ZNF385A: variants seen among roughly 807,000 people sequenced by gnomAD.
The protein encoded by ZNF385A is hematopoietic zinc finger protein.
A neutral mutation model predicts 32.1 loss-of-function variants in ZNF385A; 14 were observed. The observed-to-expected ratio is 0.44, with a 90% CI of 0.29 to 0.68. The LOEUF is 0.68. Among genes scored for constraint, ZNF385A ranks in the 30% least tolerant of loss-of-function variants. The pLI, the probability that ZNF385A is intolerant of heterozygous loss-of-function variation, is 0.14. For missense variants in ZNF385A, 406 were observed against 478.4 expected, an observed-to-expected ratio of 0.85 and a Z score of 1.41; for synonymous variants, 197 against 202.7, an observed-to-expected ratio of 0.97 and a Z score of 0.24.
chr12:54,384,638 C>T lies in ZNF385A; in HGVS notation c.-124G>A. ...GAACCCCACCCAAGCCTGCCAGTCC[C>T]ACTCCCTAGCCAGGGCCCCCACACT... On this transcript the variant is annotated 5_prime_UTR_variant, in exon 1 of 7. Coordinates refer to ENST00000394313, the MANE Select transcript of ZNF385A (RefSeq NM_015481.3). The T allele has an allele frequency of 7.7e-6, 11 of 1,421,858 alleles. No homozygotes were observed. The highest frequency in any genetic ancestry group is 9.2e-6 in the Non-Finnish European group (10 of 1,092,000). The allele number at this position is 1,421,858 out of a possible 1,614,324, so 88.1% of individuals were successfully genotyped here.
chr12:54,370,634 C>T lies in ZNF385A; in HGVS notation c.862G>A (p.Glu288Lys). ...SRHKKSRGAG[E>K]LAGTLTFSKE... is the part of the protein sequence containing the mutation. ...CAGCATCCAGGCCTCACCGCCAGCT[C>T]CCCGGCGCCCCTAGACTTCTTGTGA... Residue 288 changes from glutamate to lysine, a missense_variant, in exon 6 of 7, where the codon GAG (glutamate) becomes AAG (lysine). Coordinates refer to ENST00000394313, the MANE Select transcript of ZNF385A (RefSeq NM_015481.3). The surrounding 1 kb of genome is among the most constrained non-coding windows in gnomAD (Gnocchi z 5.5). The T allele has an allele frequency of 6.2e-7, 1 of 1,601,080 alleles. No homozygotes were observed. The highest frequency in any genetic ancestry group is 8.5e-7 in the Non-Finnish European group (1 of 1,174,296).
chr12:54,383,303 G>T (rs1337255350), intron 1 of ZNF385A, among the ~76,000 whole-genome samples: 1 of 151,948 alleles, frequency 6.6e-6, no homozygotes, highest in Non-Finnish European at 1.5e-5. Context: ...AATCACAAAG[G>T]CCTGAATGCT....
Position 54,369,968 on chromosome 12 carries a change from T to G in ZNF385A, c.*288A>C. 1.8e-5 allele frequency: 6 copies of G among 326,960 alleles called. No homozygotes were observed. Among genetic ancestry groups the G allele is most frequent in the East Asian group, 9.3e-5 (2 of 21,424 alleles). 20.3% of individuals were successfully genotyped at this position (326,960 alleles called of 1,614,324 possible). A position where few individuals can be genotyped will look rare whatever the true frequency, so the allele number is the denominator to read the frequency against. On this transcript the variant is annotated 3_prime_UTR_variant, in exon 7 of 7. Coordinates refer to ENST00000394313, the MANE Select transcript of ZNF385A (RefSeq NM_015481.3). ...GGAAGGGCTGGATGGACATGGCTTTTGGGAGGGGGGGTGTCTCCAAGGGGG... is the reference window on the plus strand; with the variant it reads ...GGAAGGGCTGGATGGACATGGCTTTGGGGAGGGGGGGTGTCTCCAAGGGGG...
chr12:54,380,979 C>A (rs1955133715), intron 1 of ZNF385A, among the ~76,000 whole-genome samples: 1 of 151,982 alleles, frequency 6.6e-6, no homozygotes, highest in Non-Finnish European at 1.5e-5. Flanking sequence ...GGGCGGATCA[C>A]AAGGTCAAGA....
chr12:54,370,648 G>T lies in ZNF385A; in HGVS notation c.848C>A (p.Ser283Tyr), dbSNP rs763776218. The T allele has an allele frequency of 1.9e-6, 3 of 1,605,284 alleles. No individual in the cohort carries two copies. The highest frequency in any genetic ancestry group is 2.5e-6 in the Non-Finnish European group (3 of 1,176,634). Residue 283 changes from serine to tyrosine, a missense_variant, in exon 6 of 7, where the codon TCT becomes TAT. Physicochemically the swap from Ser to Tyr is moderately radical, Grantham distance 144 (BLOSUM62 -2). Transcript: ENST00000394313. The surrounding 1 kb of genome is among the most constrained non-coding windows in gnomAD (Gnocchi z 5.5). ...CACCGCCAGCTCCCCGGCGCCCCTAGACTTCTTGTGACGGCTCAGTAGTGG... is the reference window on the plus strand; with the variant it reads ...CACCGCCAGCTCCCCGGCGCCCCTATACTTCTTGTGACGGCTCAGTAGTGG... ...PNPLLSRHKK[S>Y]RGAGELAGTL... is the part of the protein sequence containing the mutation.
intron 1 of ZNF385A, chr12:54,391,154 G>A: frequency 7.0e-7 from 1 of 1,420,108 alleles, no homozygotes; most frequent in Non-Finnish European, 9.4e-7. Context: ...CGCGGTGCCG[G>A]GAGATGGTGG....
intron 1 of ZNF385A, among the ~76,000 whole-genome samples, chr12:54,382,717 T>G (rs969438501): frequency 2.0e-5 from 3 of 152,224 alleles, no homozygotes; most frequent in African/African-American, 7.2e-5. Context: ...TTAAGTTGAA[T>G]AAGGCTGACT....
At chr12:54,379,124 G>A (rs1247501929) in intron 1 of ZNF385A, 11 of 981,448 alleles carry the variant, frequency 1.1e-5, no homozygotes, top group Non-Finnish European at 1.3e-5. Flanking sequence ...CGGGCTGGGG[G>A]GCCGCGCCTG....
At chr12:54,384,190 T>C (rs1255388662) in intron 1 of ZNF385A, among the ~76,000 whole-genome samples, 2 of 152,222 alleles carry the variant, frequency 1.3e-5, no homozygotes, top group African/African-American at 4.8e-5. Flanking sequence ...AGATAATTCA[T>C]ATAAAACACT....
intron 1 of ZNF385A, 56 bp from the exon 2 acceptor site, chr12:54,376,010 TCCC>T (rs1954832807): frequency 7.1e-7 from 1 of 1,410,784 alleles, no homozygotes; most frequent in African/African-American, 1.4e-5. Context: ...TGTCCAGCAT[TCCC>T]CCAACACAGA....
intron 1 of ZNF385A, among the ~76,000 whole-genome samples, chr12:54,379,597 C>A (rs1955037246): frequency 6.6e-6 from 1 of 152,116 alleles, no homozygotes; most frequent in Non-Finnish European, 1.5e-5. Flanking sequence ...CAAACGGCGG[C>A]CCCTATGCTG....
rs141056989 is a variant in ZNF385A at position 54,370,691 on chromosome 12, C to T, written c.805G>A (p.Val269Met). 3.3e-5 allele frequency: 53 copies of T among 1,601,044 alleles called. No homozygotes were observed. The African/African-American group carries it at 6.5e-4, about 20-fold the overall frequency. ...AGTAGTGGGTTGGGCTTCCCGGCCA[C>T]GCCGTCTCGGTGCCGCCGGCTGGAG... ...HISSRRHRDG[V>M]AGKPNPLLSR... The change falls in exon 6 of 7, where the codon GTG becomes ATG. Residue 269 changes from valine to methionine, a missense_variant. Val to Met is a conservative substitution (Grantham distance 21). Coordinates refer to ENST00000394313, the MANE Select transcript of ZNF385A (RefSeq NM_015481.3). This position sits in a 1 kb window ranked among gnomAD's most constrained non-coding sequence, Gnocchi z 5.5.
rs1055471575 is a variant in ZNF385A at position 54,370,459 on chromosome 12, G to T, written c.898C>A (p.Pro300Thr). 2.6e-6 allele frequency: 4 copies of T among 1,551,120 alleles called. No individual in the cohort carries two copies. In the African/African-American group the frequency reaches 4.1e-5, roughly 16 times the overall value. Residue 300 changes from proline to threonine, a missense_variant, in exon 7 of 7, where the codon CCC (proline) becomes ACC (threonine). Coordinates refer to ENST00000394313, the MANE Select transcript of ZNF385A (RefSeq NM_015481.3). The surrounding 1 kb of genome is among the most constrained non-coding windows in gnomAD (Gnocchi z 5.5). ...AGTLTFSKEL[P>T]KSLAGGLLPS... ...AGCAGGCCGCCCGCCAGGGACTTGG[G>T]CAGCTCCTTGGAGAAAGTCAGCGTG...
rs566831656 is a variant in ZNF385A at position 54,371,605 on chromosome 12, C to A, written c.472G>T (p.Gly158Trp). 6.2e-6 allele frequency: 10 copies of A among 1,613,434 alleles called. No individual in the cohort carries two copies. Among genetic ancestry groups the A allele is most frequent in the African/African-American group, 4.0e-5 (3 of 74,998 alleles). Residue 158 changes from glycine to tryptophan, a missense_variant, in exon 4 of 7, where the codon GGG (glycine) becomes TGG (tryptophan). Coordinates refer to ENST00000394313, the MANE Select transcript of ZNF385A (RefSeq NM_015481.3). The stretch of plus-strand genomic sequence containing the variant: ...AAGGAAGCCGGGGCTGGAGTCCCCC[C>A]TTCACCCTTGGTTACACCCTGACCA... ...ETGQGVTKGE[G>W]GTPAPASLPG...
chr12:54,383,468 G>C (rs1324739184), intron 1 of ZNF385A, among the ~76,000 whole-genome samples: 1 of 152,038 alleles, frequency 6.6e-6, no homozygotes, highest in African/African-American at 2.4e-5. Context: ...GGCTTTTGAG[G>C]CTTCCCTCGG....
At chr12:54,384,044 G>T (rs1955336372) in intron 1 of ZNF385A, among the ~76,000 whole-genome samples, 2 of 152,118 alleles carry the variant, frequency 1.3e-5, no homozygotes, top group Non-Finnish European at 2.9e-5. Context: ...TTACAAACAG[G>T]CATGCTTATT....
rs1954511492 is a variant in ZNF385A, at chr12:54,370,911, A to G, written c.774+16T>C. On this transcript the variant is annotated intron_variant, in intron 5 of 6. Coordinates refer to ENST00000394313, the MANE Select transcript of ZNF385A (RefSeq NM_015481.3). This position sits in a 1 kb window ranked among gnomAD's most constrained non-coding sequence, Gnocchi z 5.5. The stretch of plus-strand genomic sequence containing the variant: ...GTGGAGCGTCCCAGAATTCCTGGGA[A>G]GGGCCTTAGACCCACCTGTTTCAGT... 1.9e-6 allele frequency: 3 copies of G among 1,613,974 alleles called. No homozygotes were observed. The highest frequency in any genetic ancestry group is 2.7e-5 in the African/African-American group (2 of 74,920).
At chr12:54,383,719 A>G (rs1166306555) in intron 1 of ZNF385A, among the ~76,000 whole-genome samples, 1 of 151,972 alleles carries the variant, frequency 6.6e-6, no homozygotes, top group African/African-American at 2.4e-5. Flanking sequence ...ACATGGTGAA[A>G]CCCCATCTCT....
At chr12:54,376,636 G>A (rs1260541032) in intron 1 of ZNF385A, among the ~76,000 whole-genome samples, 1 of 152,200 alleles carries the variant, frequency 6.6e-6, no homozygotes, top group Non-Finnish European at 1.5e-5. Flanking sequence ...GGGATCTTCT[G>A]AACCTTTTCT....
Sources: gnomAD v4.1 joint callset for allele counts (sites outside exome capture counted in the v4.1 genomes callset) on GRCh38, gnomAD v4.1.1 for gene constraint, Gnocchi (gnomAD v3.1) non-coding constraint, MANE v1.5 for transcripts, NCBI Gene and HGNC (gene_info 2026-07-23, HGNC 2026-07-21) for gene names.